Variants in MCF2L observed in about 807,000 individuals in gnomAD.
The protein encoded by MCF2L is MCF.2 cell line derived transforming sequence like.
A neutral mutation model predicts 153.4 loss-of-function variants in MCF2L; 97 were observed. That is an observed-to-expected ratio of 0.63 (90% CI 0.54 to 0.75). The LOEUF (loss-of-function observed/expected upper bound fraction) is 0.75, where lower values mean the gene tolerates loss of function less well. Among genes scored for constraint, MCF2L ranks in the 30% least tolerant of loss-of-function variants. MCF2L has a pLI of 0.00. For synonymous variants in MCF2L, 659 were observed against 632.2 expected (o/e 1.04, Z -0.64); for missense variants, 1,347 against 1,495.2 (o/e 0.90, Z 1.64).
At chr13:113,090,293 C>T in intron 26 of MCF2L, 2 of 1,267,768 alleles carry the variant, frequency 1.6e-6, no homozygotes, top group Admixed American at 5.6e-5. Flanking sequence ...ATCACGTGTT[C>T]CCTGATGCTG....
At chr13:113,036,748 C>G (rs1281138961) in intron 3 of MCF2L, among the ~76,000 whole-genome samples, 1 of 152,268 alleles carries the variant, frequency 6.6e-6, no homozygotes, top group African/African-American at 2.4e-5. Flanking sequence ...CCTCCTGCCT[C>G]CTGGCTGCTG....
At chr13:113,002,025 T>C in intron 1 of MCF2L, 1 of 1,513,156 alleles carries the variant, frequency 6.6e-7, no homozygotes, top group Non-Finnish European at 8.8e-7. Flanking sequence ...CCGGAAGGTG[T>C]TGTGGGGCGA....
At chr13:113,044,774 CT>C in intron 3 of MCF2L, 1 of 1,612,954 alleles carries the variant, frequency 6.2e-7, no homozygotes, top group Non-Finnish European at 8.5e-7. Context: ...CCAGCAGATG[CT>C]TGGGAACCTT....
intron 1 of MCF2L, among the ~76,000 whole-genome samples, chr13:113,006,584 T>C (rs1051343020): frequency 6.6e-6 from 1 of 152,184 alleles, no homozygotes; most frequent in African/African-American, 2.4e-5. Context: ...CAGCTGCCTC[T>C]GAACCGGAAA....
chr13:113,034,163 G>A (rs1475615021), intron 3 of MCF2L: 1 of 137,388 alleles, frequency 7.3e-6, no homozygotes, highest in African/African-American at 2.8e-5. Context: ...TTGGAGATGC[G>A]TCTGGCTCTG....
At chr13:112,895,943 A>AC (rs1178435841) in intron 1 of MCF2L, among the ~76,000 whole-genome samples, 1 of 151,870 alleles carries the variant, frequency 6.6e-6, no homozygotes, top group Non-Finnish European at 1.5e-5. Flanking sequence ...ATCCCCAAGA[A>AC]CCCCCCACAC....
At chr13:112,980,971 C>T (rs556928364) in intron 1 of MCF2L, among the ~76,000 whole-genome samples, 6 of 152,314 alleles carry the variant, frequency 3.9e-5, no homozygotes, top group African/African-American at 1.2e-4. Flanking sequence ...CAACACATCC[C>T]CTTCCTGTGC....
chr13:112,925,075 G>A (rs2081389281), intron 2 of MCF2L, among the ~76,000 whole-genome samples: 1 of 152,202 alleles, frequency 6.6e-6, no homozygotes, highest in Non-Finnish European at 1.5e-5. Context: ...ACCTGGATAA[G>A]TACCAGATGG....
chr13:112,923,350 G>C (rs930585511), intron 2 of MCF2L, among the ~76,000 whole-genome samples: 1 of 136,674 alleles, frequency 7.3e-6, no homozygotes, highest in Non-Finnish European at 1.5e-5. Context: ...TGCAAGCTCC[G>C]CCTCCTGGGT....
chr13:113,049,478 G>A (rs1357140524), intron 4 of MCF2L, among the ~76,000 whole-genome samples: 2 of 152,214 alleles, frequency 1.3e-5, no homozygotes, highest in East Asian at 3.9e-4. Flanking sequence ...TTGACCTGAC[G>A]TGGGGACACC....
chr13:113,087,211 A>G (rs773676831), intron 21 of MCF2L, 24 bp from the exon 22 acceptor site: 1 of 1,601,872 alleles, frequency 6.2e-7, no homozygotes, highest in Non-Finnish European at 8.5e-7. Context: ...CGTCCTGAAC[A>G]CAGCCCTGCT....
intron 3 of MCF2L, among the ~76,000 whole-genome samples, chr13:113,039,784 C>CAA (rs2086368634): frequency 6.6e-6 from 1 of 152,216 alleles, no homozygotes; most frequent in Non-Finnish European, 1.5e-5. Context: ...ATTCTACTGA[C>CAA]AGACAGTATC....
chr13:113,082,543 G>A lies in MCF2L; in HGVS notation c.1991+1G>A, dbSNP rs1479420269. 1 of 1,601,688 alleles carries A rather than the reference G, an allele frequency of 6.2e-7. No individual in the cohort carries two copies. The highest frequency in any genetic ancestry group is 2.2e-5 in the East Asian group (1 of 44,792). On this transcript the variant is annotated splice_donor_variant, in intron 17 of 29. Transcript: ENST00000535094. LOFTEE classifies it high-confidence loss of function. ...AGGAAATCTATCACTTCCACAACAG[G>A]TGGGCCCTTCCCCCCGACACAGGCA...
At chr13:113,007,868 C>A (rs923831718) in intron 1 of MCF2L, among the ~76,000 whole-genome samples, 2 of 148,918 alleles carry the variant, frequency 1.3e-5, no homozygotes, top group East Asian at 2.0e-4. Flanking sequence ...CGTCACGTGA[C>A]AAACTTTGTG....
Position 112,932,218 on chromosome 13 carries a change from C to T in MCF2L, c.169+29847C>T, listed in dbSNP as rs1236033545. On this transcript the variant is annotated intron_variant, in intron 2 of 29. Coordinates refer to the MCF2L transcript ENST00000375608. The surrounding 1 kb of genome is among the most constrained non-coding windows in gnomAD (Gnocchi z 4.6). ...TGGCGACCAGGCGTGTAGACTCGTG[C>T]CCTGGGTAAGGCGTGACCGGGATGG... Among the ~76,000 whole-genome samples the T allele has an allele frequency of 6.7e-6, 1 of 149,976 alleles. No homozygotes were observed. The highest frequency in any genetic ancestry group is 6.6e-5 in the Admixed American group (1 of 15,086).
At chr13:112,895,540 T>G (rs1161533415) in intron 1 of MCF2L, among the ~76,000 whole-genome samples, 1 of 151,988 alleles carries the variant, frequency 6.6e-6, no homozygotes, top group Non-Finnish European at 1.5e-5. Flanking sequence ...ACTCCTAACA[T>G]GCGAACTGTG....
intron 1 of MCF2L, among the ~76,000 whole-genome samples, chr13:112,985,771 G>T (rs937064789): frequency 6.6e-6 from 1 of 152,216 alleles, no homozygotes; most frequent in African/African-American, 2.4e-5. Flanking sequence ...ACAGCTGGGG[G>T]CTCAGCCTGC....
chr13:113,041,353 AC>A (rs2086469276), intron 3 of MCF2L, among the ~76,000 whole-genome samples: 1 of 152,126 alleles, frequency 6.6e-6, no homozygotes, highest in African/African-American at 2.4e-5. Context: ...GTCCTGCCTC[AC>A]GGTTTTGGGC....
Position 113,096,405 on chromosome 13 carries a change from A to G in MCF2L, c.3110A>G (p.Glu1037Gly). 6.3e-7 allele frequency: 1 copy of G among 1,593,978 alleles called. No homozygotes were observed. Among genetic ancestry groups the G allele is most frequent in the Non-Finnish European group, 8.5e-7 (1 of 1,171,580 alleles). Reference sequence around the variant, plus strand: ...AAATACACGGTCGTGGCGGACCACGAGAAGGGAGGCCCCGATGCGCTGCGC... The same window carrying G: ...AAATACACGGTCGTGGCGGACCACGGGAAGGGAGGCCCCGATGCGCTGCGC... The part of the protein sequence containing the change: ...PGKYTVVADH[E>G]KGGPDALRVR... Residue 1037 changes from glutamate to glycine, a missense_variant, in exon 28 of 30, where the codon GAG (glutamate) becomes GGG (glycine). Glu to Gly is a moderately conservative substitution (Grantham distance 98). This residue lies in a region of MCF2L where 383 missense variants were observed against 335.4 expected (regional missense o/e 1.14). Transcript: ENST00000535094.
Sources: gnomAD v4.1 joint callset for allele counts (sites outside exome capture counted in the v4.1 genomes callset) on GRCh38, gnomAD v4.1.1 for gene constraint, gnomAD v4.1.1 regional missense constraint, Gnocchi (gnomAD v3.1) non-coding constraint, MANE v1.5 for transcripts, NCBI Gene and HGNC (gene_info 2026-07-23, HGNC 2026-07-21) for gene names.